CASK: variants seen among roughly 807,000 people sequenced by gnomAD.
CASK encodes calcium/calmodulin dependent serine protein kinase.
A neutral mutation model predicts 82.9 loss-of-function variants in CASK; 4 were observed. That is an observed-to-expected ratio of 0.05 (90% CI 0.02 to 0.11). The LOEUF is 0.11. Among genes scored for constraint, CASK ranks in the 10% least tolerant of loss-of-function variants. CASK has a pLI of 1.00. For synonymous variants in CASK, 259 were observed against 253.5 expected (o/e 1.02, Z -0.20); for missense variants, 358 against 720.9 (o/e 0.50, Z 5.76).
chrX:41,743,848 C>T (rs1164360311), intron 4 of CASK: 1 of 276,483 alleles, frequency 3.6e-6, no homozygotes, highest in African/African-American at 2.8e-5. Flanking sequence ...TAGTTCATGC[C>T]TACAATCCAA....
chrX:41,838,714 C>T (rs1371200559), intron 2 of CASK, among the ~76,000 whole-genome samples: 5 of 110,869 alleles, frequency 4.5e-5, no homozygotes, highest in Non-Finnish European at 7.6e-5. Flanking sequence ...GAGCCAAGAT[C>T]GCGCCACTGA....
intron 2 of CASK, among the ~76,000 whole-genome samples, chrX:41,835,245 G>A (rs975581069): frequency 3.5e-4 from 39 of 111,682 alleles, no homozygotes; most frequent in African/African-American, 1.1e-3. Flanking sequence ...GTAAAGACAG[G>A]GTTTCACCAT....
chrX:41,551,995 C>T (rs919839692), intron 21 of CASK, among the ~76,000 whole-genome samples: 2 of 107,376 alleles, frequency 1.9e-5, no homozygotes, highest in Non-Finnish European at 3.8e-5. Flanking sequence ...GGCGCGATCA[C>T]GGCTCACTGC....
intron 2 of CASK, among the ~76,000 whole-genome samples, chrX:41,837,610 G>T (rs1224116612): frequency 8.9e-6 from 1 of 112,098 alleles, no homozygotes; most frequent in Non-Finnish European, 1.9e-5. Flanking sequence ...ACAATTAAGA[G>T]ATTTTTTTAA....
chrX:41,533,910 A>G (rs1228632079), intron 24 of CASK, among the ~76,000 whole-genome samples: 1 of 111,629 alleles, frequency 9.0e-6, no homozygotes, highest in Non-Finnish European at 1.9e-5. Flanking sequence ...CGCCCACCTC[A>G]GCCTCCCAAA....
intron 3 of CASK, among the ~76,000 whole-genome samples, chrX:41,779,166 A>G (rs1055741164): frequency 4.5e-5 from 5 of 112,177 alleles, no homozygotes; most frequent in Non-Finnish European, 9.4e-5. Context: ...TGTGCTAACA[A>G]TGTGATTTAG....
At chrX:41,774,113 A>G (rs2069302636) in intron 3 of CASK, among the ~76,000 whole-genome samples, 1 of 111,759 alleles carries the variant, frequency 8.9e-6, no homozygotes, top group Non-Finnish European at 1.9e-5. Flanking sequence ...GGAGAAGGAA[A>G]TAAAGGGTAT....
intron 2 of CASK, among the ~76,000 whole-genome samples, chrX:41,819,772 G>T (rs957053752): frequency 9.0e-6 from 1 of 111,387 alleles, no homozygotes; most frequent in Non-Finnish European, 1.9e-5. Flanking sequence ...AGGAATGCAA[G>T]GTTACTTTAG....
intron 2 of CASK, among the ~76,000 whole-genome samples, chrX:41,839,986 A>C (rs2071002260): frequency 8.9e-6 from 1 of 112,193 alleles, no homozygotes; most frequent in South Asian, 3.7e-4. Flanking sequence ...GCCTTAAAGT[A>C]TTGAAGTCAA....
At chrX:41,782,009 G>A (rs1230968053) in intron 3 of CASK, among the ~76,000 whole-genome samples, 1 of 111,586 alleles carries the variant, frequency 9.0e-6, no homozygotes, top group Admixed American at 9.6e-5. Context: ...TTCAATCAGG[G>A]AAAACTGAGT....
chrX:41,889,938 T>C (rs990634445), intron 1 of CASK, among the ~76,000 whole-genome samples: 12 of 111,860 alleles, frequency 1.1e-4, no homozygotes, highest in African/African-American at 3.9e-4. Flanking sequence ...TGCTTTCAAG[T>C]TTGACAGCTC....
At chrX:41,793,571 CCAAA>C (rs1314890777) in intron 2 of CASK, among the ~76,000 whole-genome samples, 10 of 111,817 alleles carry the variant, frequency 8.9e-5, no homozygotes, top group Non-Finnish European at 1.9e-4. Flanking sequence ...TCATTCATTT[CCAAA>C]CAATGTCTAG....
chrX:41,633,041 C>CA (rs1162810871), intron 9 of CASK, among the ~76,000 whole-genome samples: 731 of 60,999 alleles, frequency 0.012, 6 homozygotes, highest in East Asian at 0.059. Context: ...AAGACTCTCT[C>CA]AAAAAAAAAA....
chrX:41,833,122 T>C (rs1329561333), intron 2 of CASK, among the ~76,000 whole-genome samples: 2 of 111,952 alleles, frequency 1.8e-5, no homozygotes, highest in Non-Finnish European at 1.9e-5. Context: ...GCCAAGAGTA[T>C]GAGTTTGGGG....
intron 5 of CASK, among the ~76,000 whole-genome samples, chrX:41,714,187 A>T (rs1423566684): frequency 9.0e-6 from 1 of 111,700 alleles, no homozygotes; most frequent in Non-Finnish European, 1.9e-5. Context: ...TACGAGATTT[A>T]GAATGTTTAT....
At chrX:41,825,553 CAA>C (rs1203174718) in intron 2 of CASK, among the ~76,000 whole-genome samples, 1 of 111,906 alleles carries the variant, frequency 8.9e-6, no homozygotes, top group Non-Finnish European at 1.9e-5. Flanking sequence ...ATGAAATACT[CAA>C]AGTTAATCCA....
intron 2 of CASK, among the ~76,000 whole-genome samples, chrX:41,813,600 A>T (rs1465363433): frequency 1.8e-5 from 2 of 112,036 alleles, no homozygotes; most frequent in African/African-American, 6.5e-5. Context: ...TTCAAGGTGG[A>T]TTAAAGACTT....
In CASK at chrX:41,714,738, C is replaced by A. The variant is rs192701989; in HGVS notation, c.429+24646G>T. ...GCTATGGGACATTAACTGAAGTTAA[C>A]CCCTATGACTGAAGGACATAAAATG... is the stretch of plus-strand genomic sequence containing the variant. On this transcript the variant is annotated intron_variant, in intron 5 of 26. Transcript: ENST00000378163. Among the ~76,000 whole-genome samples, 15 of 111,845 alleles carry A rather than the reference C, an allele frequency of 1.3e-4. No individual in the cohort carries two copies. The East Asian group carries it at 3.9e-3, about 29-fold the overall frequency.
Position 41,594,628 on chromosome X carries a change from G to A in CASK, c.1156-5036C>T, listed in dbSNP as rs1356347807. ...CCGCCTGGGGCAGGCCATGCTTGTA[G>A]TGTATGTTGAGTTAAGCATGTGTGT... is the stretch of plus-strand genomic sequence containing the variant. On this transcript the variant is annotated intron_variant, in intron 12 of 26. Coordinates refer to ENST00000378163, the MANE Select transcript of CASK (RefSeq NM_001367721.1). 2.7e-5 allele frequency among the ~76,000 whole-genome samples: 3 copies of A among 112,041 alleles called. No homozygotes were observed. In the Admixed American group the frequency reaches 2.8e-4, roughly 11 times the overall value.
Sources: allele counts gnomAD v4.1 joint callset (sites outside exome capture counted in the v4.1 genomes callset), GRCh38; gene constraint gnomAD v4.1.1; transcripts MANE v1.5; gene names NCBI Gene and HGNC (gene_info 2026-07-23, HGNC 2026-07-21).